Variants in GPR39 observed in about 807,000 individuals in gnomAD.
GPR39 encodes the protein G protein-coupled receptor 39.
Under a neutral mutation model 18.4 loss-of-function variants are expected in GPR39, and 23 were observed. The observed-to-expected ratio is 1.25, with a 90% CI of 0.90 to 1.77. The LOEUF (loss-of-function observed/expected upper bound fraction) is 1.77, where lower values mean the gene tolerates loss of function less well. Ranked by LOEUF, GPR39 falls within the 40% of genes most tolerant of loss-of-function variation. The pLI is 0.00. For synonymous variants in GPR39, 280 were observed against 257.9 expected (o/e 1.09, Z -0.82); for missense variants, 647 against 602.4 (o/e 1.07, Z -0.78).
intron 1 of GPR39, among the ~76,000 whole-genome samples, chr2:132,633,417 G>C (rs1431079881): frequency 1.3e-5 from 2 of 151,286 alleles, no homozygotes; most frequent in Admixed American, 1.3e-4. Flanking sequence ...AGAGTGGGAA[G>C]AGCTCCATTT....
chr2:132,538,369 A>C (rs1679797248), intron 1 of GPR39, among the ~76,000 whole-genome samples: 2 of 152,156 alleles, frequency 1.3e-5, no homozygotes, highest in Non-Finnish European at 2.9e-5. Flanking sequence ...CCTGGGTGTC[A>C]CCAGTGGAGG....
intron 1 of GPR39, among the ~76,000 whole-genome samples, chr2:132,594,481 C>G (rs1680902825): frequency 6.6e-6 from 1 of 151,906 alleles, no homozygotes; most frequent in Non-Finnish European, 1.5e-5. Flanking sequence ...TCTAGTATTT[C>G]TTTCCTATCC....
chr2:132,559,777 A>C (rs16835715), intron 1 of GPR39, among the ~76,000 whole-genome samples: 3 of 151,776 alleles, frequency 2.0e-5, no homozygotes, highest in Non-Finnish European at 2.9e-5. Flanking sequence ...CAAGGGTAAC[A>C]TGTGTTCCAA....
At chr2:132,581,472 G>C (rs1438271025) in intron 1 of GPR39, among the ~76,000 whole-genome samples, 1 of 151,914 alleles carries the variant, frequency 6.6e-6, no homozygotes. Context: ...GAACAAAAAT[G>C]TTCCCTTTGG....
chr2:132,568,765 C>A (rs1680394115), intron 1 of GPR39, among the ~76,000 whole-genome samples: 1 of 152,052 alleles, frequency 6.6e-6, no homozygotes, highest in South Asian at 2.1e-4. Flanking sequence ...TTTGGAACCC[C>A]AGCCCTCTAG....
At chr2:132,570,024 G>A (rs756662291) in intron 1 of GPR39, among the ~76,000 whole-genome samples, 3 of 152,128 alleles carry the variant, frequency 2.0e-5, no homozygotes, top group Non-Finnish European at 4.4e-5. Flanking sequence ...AGCGGACTAC[G>A]AAACCGACCT....
At chr2:132,495,419 C>T (rs951207592) in intron 1 of GPR39, among the ~76,000 whole-genome samples, 1 of 152,198 alleles carries the variant, frequency 6.6e-6, no homozygotes, top group African/African-American at 2.4e-5. Flanking sequence ...TTGGAAGCCC[C>T]AAACTGTGGG....
intron 1 of GPR39, among the ~76,000 whole-genome samples, chr2:132,539,193 G>A (rs919817790): frequency 8.6e-5 from 13 of 151,344 alleles, no homozygotes; most frequent in Admixed American, 2.0e-4. Context: ...TGGTGTAGAT[G>A]CACAAGGGAA....
At chr2:132,445,865 C>T (rs1052014981) in intron 1 of GPR39, among the ~76,000 whole-genome samples, 5 of 152,084 alleles carry the variant, frequency 3.3e-5, no homozygotes, top group African/African-American at 7.2e-5. Context: ...GAATAAGAGG[C>T]GAAGGTCAGT....
At chr2:132,432,329 A>T (rs1313162996) in intron 1 of GPR39, among the ~76,000 whole-genome samples, 1 of 152,206 alleles carries the variant, frequency 6.6e-6, no homozygotes, top group Non-Finnish European at 1.5e-5. Flanking sequence ...TTATAAGGAC[A>T]CAAACCCCAT....
intron 1 of GPR39, among the ~76,000 whole-genome samples, chr2:132,488,391 G>A (rs936037502): frequency 6.6e-6 from 1 of 152,158 alleles, no homozygotes; most frequent in East Asian, 1.9e-4. Flanking sequence ...TTGCTGCATA[G>A]ATATTGCAAA....
At chr2:132,539,427 A>G (rs1262229178) in intron 1 of GPR39, among the ~76,000 whole-genome samples, 1 of 152,096 alleles carries the variant, frequency 6.6e-6, no homozygotes, top group African/African-American at 2.4e-5. Flanking sequence ...TTCGGAATGC[A>G]GAAATCACCT....
chr2:132,598,419 G>A, intron 1 of GPR39, among the ~76,000 whole-genome samples: 1 of 138,132 alleles, frequency 7.2e-6, no homozygotes. Flanking sequence ...GATTTGGCTG[G>A]TCTAAGGTGA....
At chr2:132,603,718 G>A (rs1416268689) in intron 1 of GPR39, among the ~76,000 whole-genome samples, 5 of 152,174 alleles carry the variant, frequency 3.3e-5, no homozygotes, top group African/African-American at 1.2e-4. Context: ...GCGTGCGTGT[G>A]CGAAATGGGT....
chr2:132,602,791 A>G (rs1681065820), intron 1 of GPR39, among the ~76,000 whole-genome samples: 2 of 152,086 alleles, frequency 1.3e-5, no homozygotes, highest in Middle Eastern at 6.8e-3. Context: ...AAAAAAATTC[A>G]ACATCACTAA....
intron 1 of GPR39, among the ~76,000 whole-genome samples, chr2:132,594,153 C>T (rs1680896101): frequency 6.6e-6 from 1 of 152,084 alleles, no homozygotes; most frequent in African/African-American, 2.4e-5. Context: ...ACTGGGGGAC[C>T]CGTCATACCC....
At chr2:132,576,560 T>C (rs13420547) in intron 1 of GPR39, among the ~76,000 whole-genome samples, 1,970 of 151,944 alleles carry the variant, frequency 0.013, 49 homozygotes, top group African/African-American at 0.045. Flanking sequence ...GGCTGAGGCA[T>C]GAGAATTGTT....
chr2:132,451,265 C>T (rs1680628853), intron 1 of GPR39, among the ~76,000 whole-genome samples: 2 of 152,028 alleles, frequency 1.3e-5, no homozygotes, highest in African/African-American at 4.8e-5. Flanking sequence ...CGCCACTCTC[C>T]CATTACTCTC....
intron 1 of GPR39, among the ~76,000 whole-genome samples, chr2:132,430,180 G>T (rs2104758253): frequency 6.6e-6 from 1 of 152,308 alleles, no homozygotes; most frequent in African/African-American, 2.4e-5. Flanking sequence ...AGTCATGAAG[G>T]GGTGGTAGTT....
Sources: allele counts gnomAD v4.1 joint callset (sites outside exome capture counted in the v4.1 genomes callset), GRCh38; gene constraint gnomAD v4.1.1; transcripts MANE v1.5; gene names NCBI Gene and HGNC (gene_info 2026-07-23, HGNC 2026-07-21).